WDR75: variants seen among roughly 807,000 people sequenced by gnomAD.
WDR75 encodes WD repeat domain 75.
In WDR75, 52 loss-of-function variants were observed where a neutral mutation model predicts 106.1. That is an observed-to-expected ratio of 0.49 (90% CI 0.39 to 0.62). The LOEUF is 0.62. Among genes scored for constraint, WDR75 ranks in the 20% least tolerant of loss-of-function variants. WDR75 has a pLI of 0.00. For missense variants in WDR75, 905 were observed against 970.3 expected (o/e 0.93, Z 0.89); for synonymous variants, 333 against 335.5 (o/e 0.99, Z 0.08).
intron 16 of WDR75, 58 bp downstream of exon 16, chr2:189,469,497 A>C: frequency 2.1e-6 from 3 of 1,452,192 alleles, no homozygotes; most frequent in Non-Finnish European, 2.9e-6. Context: ...TTTTCTTCTT[A>C]ATATAATTTG....
chr2:189,447,072 T>C (rs114447528), intron 1 of WDR75, among the ~76,000 whole-genome samples: 1 of 152,188 alleles, frequency 6.6e-6, no homozygotes, highest in African/African-American at 2.4e-5. Flanking sequence ...TTTAAACTTA[T>C]GAATTGTTTC....
intron 6 of WDR75, 106 bp downstream of exon 6, chr2:189,457,487 C>T (rs2105560882): frequency 2.9e-6 from 2 of 701,532 alleles, no homozygotes; most frequent in East Asian, 5.7e-5. Context: ...TTTTATGTTG[C>T]AAGAGAGTGT....
rs965747010 is a variant in WDR75 at position 189,449,712 on chromosome 2, CTT to C, written c.217-1190_217-1189del. 58 of 988,700 alleles carry C rather than the reference CTT, an allele frequency of 5.9e-5. 1 individual carries two copies. In the Admixed American group the frequency reaches 3.3e-3, roughly 56 times the overall value. The allele number at this position is 988,700 out of a possible 1,614,324, so 61.2% of individuals were successfully genotyped here. A position where few individuals can be genotyped will look rare whatever the true frequency, so the allele number is the denominator to read the frequency against. On this transcript the variant is annotated intron_variant, in intron 2 of 20. Transcript: ENST00000314761. ...GTTTTGACAGTAATTATATGTTTGA[CTT>C]GTTACATTTTACTAGTCCATATTTA...
chr2:189,472,606 T>G (rs1411449377), intron 18 of WDR75, among the ~76,000 whole-genome samples: 1 of 152,186 alleles, frequency 6.6e-6, no homozygotes, highest in Non-Finnish European at 1.5e-5. Flanking sequence ...GTTGCTGCCT[T>G]TCATCTAGAG....
intron 2 of WDR75, chr2:189,449,248 C>T: frequency 7.7e-7 from 1 of 1,303,230 alleles, no homozygotes; most frequent in African/African-American, 1.5e-5. Flanking sequence ...GGATTAGTCA[C>T]AGCCAACTTG....
At chr2:189,449,072 G>A (rs1686562065) in intron 2 of WDR75, among the ~76,000 whole-genome samples, 1 of 152,154 alleles carries the variant, frequency 6.6e-6, no homozygotes, top group African/African-American at 2.4e-5. Flanking sequence ...ATTTAATTTA[G>A]TCCAGATTTT....
At chr2:189,455,520 G>A (rs1322625523) in intron 5 of WDR75, 76 bp downstream of exon 5, 1 of 1,508,756 alleles carries the variant, frequency 6.6e-7, no homozygotes, top group Non-Finnish European at 8.9e-7. Context: ...AGCATTTTAT[G>A]TTACAGTGAT....
chr2:189,474,292 T>C lies in WDR75; in HGVS notation c.2156T>C (p.Val719Ala), dbSNP rs1687169761. Residue 719 changes from valine (V) to alanine (A), a missense_variant, in exon 19 of 21, where the codon GTA (valine) becomes GCA (alanine). By Grantham distance (64) the Val-to-Ala change is moderately conservative (BLOSUM62 0). Transcript: ENST00000314761. ...AACGAAACTTTAGAGAATGAGCTGG[T>C]ACAACTACCCTTAACAGAAAACATA... ...KLNETLENEL[V>A]QLPLTENIPA... 1 of 1,613,656 alleles carries C rather than the reference T, an allele frequency of 6.2e-7. No individual in the cohort carries two copies. Among genetic ancestry groups the C allele is most frequent in the South Asian group, 1.1e-5 (1 of 90,984 alleles).
chr2:189,470,759 ACC>A, intron 17 of WDR75, 58 bp from the exon 18 acceptor site: 1 of 1,362,592 alleles, frequency 7.3e-7, no homozygotes. Flanking sequence ...ACCCTGTAAC[ACC>A]TTGTTTAGAT....
chr2:189,452,477 G>T (rs1029443386), intron 4 of WDR75, among the ~76,000 whole-genome samples: 3 of 151,698 alleles, frequency 2.0e-5, no homozygotes, highest in Admixed American at 2.0e-4. Context: ...CAGGAGAATG[G>T]CGTGAATCCA....
chr2:189,456,927 T>C (rs914265029), intron 5 of WDR75, among the ~76,000 whole-genome samples: 1 of 152,114 alleles, frequency 6.6e-6, no homozygotes, highest in African/African-American at 2.4e-5. Flanking sequence ...CTGTTAACTT[T>C]TGTGGGGGAG....
In WDR75 at chr2:189,474,299, A is replaced by G. The variant is rs758847259; in HGVS notation, c.2163A>G (p.Leu721=). 3.1e-6 allele frequency: 5 copies of G among 1,613,178 alleles called. No individual in the cohort carries two copies. Among genetic ancestry groups the G allele is most frequent in the Non-Finnish European group, 3.4e-6 (4 of 1,179,670 alleles). Residue 721 remains leucine (L), a synonymous_variant, in exon 19 of 21, where the codon CTA becomes CTG. Transcript: ENST00000314761. ...NETLENELVQ[L]PLTENIPAIS... is the part of the protein sequence containing the mutation. Reference sequence around the variant, plus strand: ...CTTTAGAGAATGAGCTGGTACAACTACCCTTAACAGAAAACATACCCGCAA... The same window carrying G: ...CTTTAGAGAATGAGCTGGTACAACTGCCCTTAACAGAAAACATACCCGCAA...
At chr2:189,468,654 A>G in intron 15 of WDR75, 85 bp downstream of exon 15, 3 of 1,354,390 alleles carry the variant, frequency 2.2e-6, no homozygotes, top group Non-Finnish European at 3.2e-6. Flanking sequence ...CTTAGGGATC[A>G]TATCATCAGG....
chr2:189,449,420 T>A, intron 2 of WDR75: 1 of 1,238,322 alleles, frequency 8.1e-7, no homozygotes, highest in African/African-American at 1.6e-5. Context: ...ATGCTTGCCG[T>A]CCTCTGAGGG....
In WDR75 at chr2:189,448,505, A is replaced by T. The variant is rs1378357505; in HGVS notation, c.213A>T (p.Leu71=). 2 of 1,613,782 alleles carry T rather than the reference A, an allele frequency of 1.2e-6. No homozygotes were observed. The highest frequency in any genetic ancestry group is 3.3e-5 in the Admixed American group (2 of 59,986). The change falls in exon 2 of 21, where the codon CTA becomes CTT. Residue 71 remains leucine (L), a synonymous_variant. Coordinates refer to ENST00000314761, the MANE Select transcript of WDR75 (RefSeq NM_032168.3). ...TGIQLNPNNH[L]QLYSCSLDGT... Reference sequence around the variant, plus strand: ...TCCAGCTTAACCCCAACAACCATCTACAGGTGTCAAACAGTTTATAGCTGA... The same window carrying T: ...TCCAGCTTAACCCCAACAACCATCTTCAGGTGTCAAACAGTTTATAGCTGA...
chr2:189,473,685 C>T (rs1283050881), intron 18 of WDR75, among the ~76,000 whole-genome samples: 2 of 152,176 alleles, frequency 1.3e-5, no homozygotes, highest in Admixed American at 6.5e-5. Context: ...GTCCCATTTT[C>T]ACCCCACATC....
intron 1 of WDR75, among the ~76,000 whole-genome samples, chr2:189,445,155 A>G (rs1686469661): frequency 6.6e-6 from 1 of 152,208 alleles, no homozygotes; most frequent in Non-Finnish European, 1.5e-5. Flanking sequence ...AGAACGTGTT[A>G]TTTACATTTT....
intron 12 of WDR75, among the ~76,000 whole-genome samples, chr2:189,465,692 T>C (rs191797072): frequency 1.1e-3 from 169 of 152,282 alleles, no homozygotes; most frequent in African/African-American, 3.7e-3. Context: ...AGATCTTTGC[T>C]GTGTGCCAAG....
chr2:189,450,282 G>T (rs1686589087), intron 2 of WDR75: 1 of 985,422 alleles, frequency 1.0e-6, no homozygotes, highest in South Asian at 4.7e-5. Context: ...AAGGAGTTTG[G>T]CTAATAAAAC....
Sources: gnomAD v4.1 joint callset for allele counts (sites outside exome capture counted in the v4.1 genomes callset) on GRCh38, gnomAD v4.1.1 for gene constraint, MANE v1.5 for transcripts, NCBI Gene and HGNC (gene_info 2026-07-23, HGNC 2026-07-21) for gene names.